Variants in UNC13C observed in about 807,000 individuals in gnomAD.
UNC13C encodes protein unc-13 homolog C.
A neutral mutation model predicts 245.4 loss-of-function variants in UNC13C; 174 were observed. That is an observed-to-expected ratio of 0.71 (90% confidence interval 0.63 to 0.80). UNC13C has a LOEUF of 0.80. Ranked by LOEUF, UNC13C falls within the 30% of genes least tolerant of loss-of-function variation. The pLI, the probability that UNC13C is intolerant of heterozygous loss-of-function variation, is 0.00. For missense variants in UNC13C, 2,829 were observed against 2,602.9 expected (o/e 1.09, Z -1.89); for synonymous variants, 992 against 895.1 (o/e 1.11, Z -1.93).
At chr15:54,515,540 A>C (rs895636666) in intron 24 of UNC13C, among the ~76,000 whole-genome samples, 10 of 152,228 alleles carry the variant, frequency 6.6e-5, no homozygotes, top group African/African-American at 2.4e-4. Flanking sequence ...GGTATATGAA[A>C]AAATCCAAAA....
intron 24 of UNC13C, among the ~76,000 whole-genome samples, chr15:54,515,866 G>A (rs1468073941): frequency 6.6e-6 from 1 of 152,136 alleles, no homozygotes; most frequent in South Asian, 2.1e-4. Flanking sequence ...CTCAAAAAAG[G>A]ATTGACTCTT....
At chr15:54,571,820 G>C (rs1317941396) in intron 30 of UNC13C, among the ~76,000 whole-genome samples, 2 of 152,028 alleles carry the variant, frequency 1.3e-5, no homozygotes, top group Non-Finnish European at 2.9e-5. Flanking sequence ...GAAGTTGGTG[G>C]GTAAGAAAGG....
intron 14 of UNC13C, among the ~76,000 whole-genome samples, chr15:54,325,166 G>A (rs996351271): frequency 6.6e-6 from 1 of 151,880 alleles, no homozygotes; most frequent in Non-Finnish European, 1.5e-5. Flanking sequence ...TATGGAAGAG[G>A]TTCAATAATT....
chr15:54,349,014 T>G (rs2038921789), intron 17 of UNC13C, among the ~76,000 whole-genome samples: 1 of 151,398 alleles, frequency 6.6e-6, no homozygotes, highest in Non-Finnish European at 1.5e-5. Flanking sequence ...CTCCTTGTCT[T>G]AGTTCTAAAT....
intron 4 of UNC13C, among the ~76,000 whole-genome samples, chr15:54,154,012 A>G (rs1220219418): frequency 6.6e-6 from 1 of 152,088 alleles, no homozygotes; most frequent in Non-Finnish European, 1.5e-5. Flanking sequence ...TGAAATACTC[A>G]TTACCTTAAA....
intron 30 of UNC13C, among the ~76,000 whole-genome samples, chr15:54,587,526 T>C (rs1898556784): frequency 6.6e-6 from 1 of 152,224 alleles, no homozygotes; most frequent in Non-Finnish European, 1.5e-5. Flanking sequence ...CTTCCACATA[T>C]AGATAGTAAA....
At chr15:54,297,723 GT>G in intron 11 of UNC13C, 87 bp from the exon 12 acceptor site, 2 of 991,042 alleles carry the variant, frequency 2.0e-6, no homozygotes, top group Non-Finnish European at 3.0e-6. Context: ...CCGTTTTTTT[GT>G]TTTTTTGTTT....
the UNC13C span, chr15:53,912,467 T>G: frequency 6.6e-6 from 1 of 152,158 alleles, no homozygotes; most frequent in African/African-American, 2.4e-5. Flanking sequence ...CTGGATAAGT[T>G]TCTGGGAAAA....
the UNC13C span, among the ~76,000 whole-genome samples, chr15:53,943,634 T>C: frequency 6.6e-6 from 1 of 152,200 alleles, no homozygotes; most frequent in Non-Finnish European, 1.5e-5. Context: ...ATTTAAAAGT[T>C]AAACTTCCAG....
At chr15:54,190,503 A>G (rs1453126690) in intron 4 of UNC13C, among the ~76,000 whole-genome samples, 3 of 152,100 alleles carry the variant, frequency 2.0e-5, no homozygotes, top group African/African-American at 7.2e-5. Context: ...TAAATAAACA[A>G]ATGATAGATT....
chr15:53,921,950 G>A, the UNC13C span, among the ~76,000 whole-genome samples: 3 of 152,052 alleles, frequency 2.0e-5, no homozygotes, highest in Non-Finnish European at 4.4e-5. Context: ...TGAGTTAGTT[G>A]GTTACAAAAT....
In UNC13C at chr15:54,167,602, GAAA is replaced by G. The variant is rs35210236; in HGVS notation, c.3071+23938_3071+23940del. On this transcript the variant is annotated intron_variant, in intron 4 of 32. Coordinates refer to ENST00000260323, the MANE Select transcript of UNC13C (RefSeq NM_001080534.3). ...AGTGAAAGAATGAGTATCCAAATAG[GAAA>G]AAAAAAAAAAAAAAAAAAAGAAACA... 1.2e-3 allele frequency among the ~76,000 whole-genome samples: 79 copies of G among 63,568 alleles called. 1 individual carries two copies. The highest frequency in any genetic ancestry group is 4.5e-3 in the African/African-American group (74 of 16,564). 41.7% of individuals were successfully genotyped at this position (63,568 alleles called of 152,430 possible).
At chr15:53,854,420 A>G in the UNC13C span, among the ~76,000 whole-genome samples, 5 of 151,932 alleles carry the variant, frequency 3.3e-5, no homozygotes, top group Non-Finnish European at 7.4e-5. Context: ...TGCCTGGCCA[A>G]GTTTTGGGTT....
chr15:54,426,818 T>C (rs1285079777), intron 19 of UNC13C, among the ~76,000 whole-genome samples: 1 of 151,788 alleles, frequency 6.6e-6, no homozygotes, highest in Non-Finnish European at 1.5e-5. Flanking sequence ...TTTATTCTTC[T>C]GAAAAATCAT....
At chr15:53,989,979 G>T (rs1322173031) in intron 1 of UNC13C, among the ~76,000 whole-genome samples, 1 of 151,964 alleles carries the variant, frequency 6.6e-6, no homozygotes, top group Non-Finnish European at 1.5e-5. Context: ...CTGTGACCCT[G>T]TCCATTATTC....
At chr15:54,298,621 A>G (rs572658237) in intron 12 of UNC13C, among the ~76,000 whole-genome samples, 2 of 152,260 alleles carry the variant, frequency 1.3e-5, no homozygotes, top group South Asian at 4.1e-4. Flanking sequence ...ACACCACCCA[A>G]CATCAATCAA....
chr15:54,453,748 G>C (rs1023943288), intron 19 of UNC13C, among the ~76,000 whole-genome samples: 1 of 152,126 alleles, frequency 6.6e-6, no homozygotes, highest in African/African-American at 2.4e-5. Flanking sequence ...GATATTCTCA[G>C]TTAAGCACAC....
At chr15:54,284,544 A>G (rs1415940287) in intron 10 of UNC13C, among the ~76,000 whole-genome samples, 1 of 152,164 alleles carries the variant, frequency 6.6e-6, no homozygotes, top group Non-Finnish European at 1.5e-5. Flanking sequence ...AAAAACATGA[A>G]TACAGGGTTT....
At chr15:54,502,682 A>G (rs1894280527) in intron 22 of UNC13C, among the ~76,000 whole-genome samples, 1 of 152,144 alleles carries the variant, frequency 6.6e-6, no homozygotes, top group African/African-American at 2.4e-5. Flanking sequence ...GGAATTCTGT[A>G]GGATGTAGGG....
Sources: allele counts gnomAD v4.1 joint callset (sites outside exome capture counted in the v4.1 genomes callset), GRCh38; gene constraint gnomAD v4.1.1; transcripts MANE v1.5; gene names NCBI Gene and HGNC (gene_info 2026-07-23, HGNC 2026-07-21).